GNAQ: variants seen among roughly 807,000 people sequenced by gnomAD.
GNAQ encodes guanine nucleotide-binding protein G(q) subunit alpha.
Under a neutral mutation model 43.9 loss-of-function variants are expected in GNAQ, and 8 were observed. The observed-to-expected ratio is 0.18, with a 90% CI of 0.11 to 0.33. The LOEUF is 0.33. Ranked by LOEUF, GNAQ falls within the 10% of genes least tolerant of loss-of-function variation. GNAQ has a pLI of 1.00. For synonymous variants in GNAQ, 155 were observed against 170.7 expected (o/e 0.91, Z 0.71); for missense variants, 158 against 450.8 (o/e 0.35, Z 5.88).
chr9:78,011,707 T>C (rs995331484), intron 1 of GNAQ, among the ~76,000 whole-genome samples: 3 of 152,172 alleles, frequency 2.0e-5, no homozygotes, highest in African/African-American at 4.8e-5. Flanking sequence ...GCACTTGACA[T>C]TGATATTCAA....
chr9:77,737,210 C>T (rs1287503483), intron 5 of GNAQ, among the ~76,000 whole-genome samples: 1 of 152,224 alleles, frequency 6.6e-6, no homozygotes, highest in Non-Finnish European at 1.5e-5. Flanking sequence ...CCACTAACAG[C>T]TCAAGAGAGA....
chr9:77,853,967 C>T (rs986681670), intron 2 of GNAQ, among the ~76,000 whole-genome samples: 15 of 152,152 alleles, frequency 9.9e-5, no homozygotes, highest in African/African-American at 3.6e-4. Flanking sequence ...TGACAAGCCA[C>T]TGCTATAGGA....
chr9:77,831,046 T>G (rs1253369047), intron 2 of GNAQ, among the ~76,000 whole-genome samples: 2 of 152,186 alleles, frequency 1.3e-5, no homozygotes, highest in Non-Finnish European at 2.9e-5. Context: ...TTTGCATAAT[T>G]GGTGAATAAG....
At chr9:77,957,401 A>C (rs114285653) in intron 1 of GNAQ, among the ~76,000 whole-genome samples, 1 of 151,802 alleles carries the variant, frequency 6.6e-6, no homozygotes, top group African/African-American at 2.4e-5. Context: ...AAACAAAAAA[A>C]CCCTTAATAA....
intron 5 of GNAQ, among the ~76,000 whole-genome samples, chr9:77,781,808 C>T (rs1272462476): frequency 6.6e-6 from 1 of 151,938 alleles, no homozygotes; most frequent in Non-Finnish European, 1.5e-5. Flanking sequence ...TTGACAAAAT[C>T]CAACACCCAT....
chr9:77,995,489 C>CAT (rs202049907), intron 1 of GNAQ, among the ~76,000 whole-genome samples: 1,607 of 152,042 alleles, frequency 0.011, 13 homozygotes, highest in Middle Eastern at 0.02. Context: ...AGCTTATTAA[C>CAT]ATATATATAT....
chr9:77,868,192 A>C (rs1362981822), intron 2 of GNAQ, among the ~76,000 whole-genome samples: 1 of 152,230 alleles, frequency 6.6e-6, no homozygotes, highest in African/African-American at 2.4e-5. Context: ...ACAGACATAT[A>C]CTTAGTAATA....
intron 2 of GNAQ, among the ~76,000 whole-genome samples, chr9:77,895,354 G>T (rs1828482503): frequency 6.6e-6 from 1 of 152,180 alleles, no homozygotes; most frequent in African/African-American, 2.4e-5. Flanking sequence ...CAAGCACACA[G>T]AATGTAACTG....
At chr9:77,755,879 G>A (rs930356048) in intron 5 of GNAQ, among the ~76,000 whole-genome samples, 1 of 152,176 alleles carries the variant, frequency 6.6e-6, no homozygotes, top group Non-Finnish European at 1.5e-5. Flanking sequence ...TGGATTGAAG[G>A]ATGCAAAGTA....
At chr9:77,727,442 T>C (rs780961880) in intron 6 of GNAQ, among the ~76,000 whole-genome samples, 3 of 152,236 alleles carry the variant, frequency 2.0e-5, no homozygotes, top group Non-Finnish European at 4.4e-5. Context: ...GGGTGTCTAG[T>C]TGTCCAGGAT....
intron 5 of GNAQ, among the ~76,000 whole-genome samples, chr9:77,737,556 C>T (rs1044589567): frequency 1.3e-5 from 2 of 152,116 alleles, no homozygotes; most frequent in African/African-American, 4.8e-5. Flanking sequence ...ACAGATTTAC[C>T]TTCACACTTT....
chr9:77,770,584 G>A (rs1171702587), intron 5 of GNAQ, among the ~76,000 whole-genome samples: 2 of 152,200 alleles, frequency 1.3e-5, no homozygotes, highest in Non-Finnish European at 2.9e-5. Flanking sequence ...ATGTGAACTA[G>A]CATCTGAAAT....
intron 1 of GNAQ, among the ~76,000 whole-genome samples, chr9:77,961,723 T>C (rs1186996194): frequency 6.6e-6 from 1 of 152,192 alleles, no homozygotes; most frequent in Non-Finnish European, 1.5e-5. Flanking sequence ...ATCAGCTGCA[T>C]GACAGAACAA....
At chr9:77,903,231 T>C (rs1417979770) in intron 2 of GNAQ, among the ~76,000 whole-genome samples, 1 of 152,084 alleles carries the variant, frequency 6.6e-6, no homozygotes, top group Non-Finnish European at 1.5e-5. Flanking sequence ...ACTCCATAAG[T>C]GGACTTGGTC....
In GNAQ at chr9:77,959,907, C is replaced by T. The variant is rs368036052; in HGVS notation, c.137-37562G>A. Among the ~76,000 whole-genome samples the T allele has an allele frequency of 5.9e-4, 90 of 152,304 alleles. 1 individual carries two copies. The highest frequency in any genetic ancestry group is 3.5e-3 in the East Asian group (18 of 5,180). ...AGGAATCCTCCATGTTCCACCCATG[C>T]GTCAGCCCCTTGGATTGTAAAACCT... On this transcript the variant is annotated intron_variant, in intron 1 of 6. Coordinates refer to ENST00000286548, the MANE Select transcript of GNAQ (RefSeq NM_002072.5).
intron 5 of GNAQ, among the ~76,000 whole-genome samples, chr9:77,752,540 G>T (rs1401923890): frequency 6.6e-6 from 1 of 152,184 alleles, no homozygotes; most frequent in Non-Finnish European, 1.5e-5. Context: ...ACTGCAACCT[G>T]CAGAGGTTAA....
rs559447923 is a variant in GNAQ at position 78,030,942 on chromosome 9, G to T, written c.136+158C>A. ...GTGTCTGTGTGTAACGCGCCCGCGC[G>T]CCCGCGCGGGTGAAGGCAGTGGCCG... On this transcript the variant is annotated intron_variant, in intron 1 of 6. Coordinates refer to ENST00000286548, the MANE Select transcript of GNAQ (RefSeq NM_002072.5). Among the ~76,000 whole-genome samples, 5 of 151,568 alleles carry T rather than the reference G, an allele frequency of 3.3e-5. No individual in the cohort carries two copies. In the South Asian group the frequency reaches 1.0e-3, roughly 31 times the overall value.
chr9:77,857,182 G>T (rs1460999396), intron 2 of GNAQ, among the ~76,000 whole-genome samples: 1 of 152,194 alleles, frequency 6.6e-6, no homozygotes, highest in African/African-American at 2.4e-5. Context: ...ACATGGAATT[G>T]ACCAGATTCT....
chr9:77,840,791 G>A (rs1827477874), intron 2 of GNAQ, among the ~76,000 whole-genome samples: 1 of 152,176 alleles, frequency 6.6e-6, no homozygotes, highest in Non-Finnish European at 1.5e-5. Flanking sequence ...CTCTAGGGAA[G>A]GGGTGAGAAG....
Sources: gnomAD v4.1 joint callset for allele counts (sites outside exome capture counted in the v4.1 genomes callset) on GRCh38, gnomAD v4.1.1 for gene constraint, MANE v1.5 for transcripts, NCBI Gene and HGNC (gene_info 2026-07-23, HGNC 2026-07-21) for gene names.